Variants in NCOR1 observed in about 807,000 individuals in gnomAD.
The protein encoded by NCOR1 is protein phosphatase 1, regulatory subunit 109.
NCOR1 carries 63 observed loss-of-function variants against 288.1 expected under a neutral mutation model. The observed-to-expected ratio is 0.22, with a 90% CI of 0.18 to 0.27. The LOEUF is 0.27. Ranked by LOEUF, NCOR1 falls within the 10% of genes least tolerant of loss-of-function variation. The pLI is 1.00. For synonymous variants in NCOR1, 1,007 were observed against 1,065.9 expected, an observed-to-expected ratio of 0.94 and a Z score of 1.08; for missense variants, 2,397 against 3,019.2, an observed-to-expected ratio of 0.79 and a Z score of 4.83.
Position 16,032,471 on chromosome 17 carries a change from A to G in NCOR1, c.7148T>C (p.Phe2383Ser). The change falls in exon 46 of 46, where the codon TTT becomes TCT. Residue 2383 changes from phenylalanine to serine, a missense_variant. Coordinates refer to ENST00000268712, the MANE Select transcript of NCOR1 (RefSeq NM_006311.4). Reference sequence around the variant, plus strand: ...CCGCATAGTCAGAGGGTTATAAGGAAACTGAGTTGAGCCTGACAAAAGAAA... The same window carrying G: ...CCGCATAGTCAGAGGGTTATAAGGAGACTGAGTTGAGCCTGACAAAAGAAA... Reference protein sequence around the residue: ...DRPSSTGSTQFPYNPLTMRML... With the variant: ...DRPSSTGSTQSPYNPLTMRML... 1 of 1,583,498 alleles carries G rather than the reference A, an allele frequency of 6.3e-7. No individual in the cohort carries two copies. The highest frequency in any genetic ancestry group is 2.3e-5 in the East Asian group (1 of 43,406).
At chr17:16,150,621 T>C (rs1186527491) in intron 8 of NCOR1, among the ~76,000 whole-genome samples, 1 of 151,152 alleles carries the variant, frequency 6.6e-6, no homozygotes, top group Admixed American at 6.6e-5. Context: ...GTAGATGACA[T>C]GAAATAAATC....
chr17:16,062,952 G>A (rs1013151791), intron 35 of NCOR1, among the ~76,000 whole-genome samples: 11 of 152,228 alleles, frequency 7.2e-5, no homozygotes, highest in Non-Finnish European at 1.6e-4. Flanking sequence ...TTCACGCAGA[G>A]GATTCTGAAC....
chr17:16,065,648 A>C lies in NCOR1; in HGVS notation c.4788T>G (p.Gly1596=). The C allele has an allele frequency of 1.2e-6, 2 of 1,614,216 alleles. No individual in the cohort carries two copies. Among genetic ancestry groups the C allele is most frequent in the Non-Finnish European group, 1.7e-6 (2 of 1,180,046 alleles). ...LFQRQLSPTP[G]YPSQYQLYAM... ...CGTAAAGCTGATACTGACTTGGGTA[A>C]CCTGGAGTTGGTGAAAGCTGTCTCT... The change falls in exon 33 of 46, where the codon GGT becomes GGG. Residue 1596 remains glycine, a synonymous_variant. Coordinates refer to ENST00000268712, the MANE Select transcript of NCOR1 (RefSeq NM_006311.4).
Position 16,113,834 on chromosome 17 carries a change from AG to A in NCOR1, c.2055+4053del, listed in dbSNP as rs563881373. On this transcript the variant is annotated intron_variant, in intron 18 of 45. Transcript: ENST00000268712. ...CTTGAACCTGGGAGGCGGAGGTTGC[AG>A]TAAGCCAAGATCATGCCACTGCACT... Among the ~76,000 whole-genome samples the A allele has an allele frequency of 3.5e-3, 531 of 152,302 alleles. 1 individual carries two copies. The highest frequency in any genetic ancestry group is 0.01 in the Middle Eastern group (3 of 294).
At chr17:16,179,654 T>C (rs1462712336) in intron 3 of NCOR1, among the ~76,000 whole-genome samples, 1 of 152,204 alleles carries the variant, frequency 6.6e-6, no homozygotes, top group Non-Finnish European at 1.5e-5. Context: ...TAAGTTGATA[T>C]CTAAGTCAAG....
At chr17:16,163,628 T>C (rs946506014) in intron 5 of NCOR1, among the ~76,000 whole-genome samples, 5 of 152,192 alleles carry the variant, frequency 3.3e-5, no homozygotes, top group South Asian at 4.1e-4. Context: ...AATTTAAACA[T>C]AGATTTACCA....
rs1294159774 is a variant in NCOR1, at chr17:16,127,285, GTATATA to G, written c.1510-1085_1510-1080del. Among the ~76,000 whole-genome samples, 847 of 129,480 alleles carry G rather than the reference GTATATA, an allele frequency of 6.5e-3. 256 individuals are homozygous for G. The highest frequency in any genetic ancestry group is 0.025 in the African/African-American group (798 of 32,306). 84.9% of individuals were successfully genotyped at this position (129,480 alleles called of 152,430 possible). ...TGTATATATGTATGTATATATACGT[GTATATA>G]TGTATGTATGTATATATACATGTAT... On this transcript the variant is annotated intron_variant, in intron 14 of 45. Coordinates refer to ENST00000268712, the MANE Select transcript of NCOR1 (RefSeq NM_006311.4).
intron 2 of NCOR1, among the ~76,000 whole-genome samples, chr17:16,193,557 A>AG (rs2089071405): frequency 6.6e-6 from 1 of 152,158 alleles, no homozygotes; most frequent in Non-Finnish European, 1.5e-5. Context: ...AACCAGCAGC[A>AG]ACAATAATCC....
At chr17:16,155,655 C>T (rs1265151204) in intron 6 of NCOR1, among the ~76,000 whole-genome samples, 8 of 152,082 alleles carry the variant, frequency 5.3e-5, no homozygotes, top group Non-Finnish European at 1.2e-4. Context: ...CTCCCACTAC[C>T]TTTCTAAATA....
intron 1 of NCOR1, among the ~76,000 whole-genome samples, chr17:16,209,371 G>A (rs2091900485): frequency 6.6e-6 from 1 of 151,962 alleles, no homozygotes; most frequent in Non-Finnish European, 1.5e-5. Flanking sequence ...AATATGCCAT[G>A]CTTCAGTATT....
chr17:16,173,593 T>G (rs964436789), intron 3 of NCOR1, among the ~76,000 whole-genome samples: 1 of 152,030 alleles, frequency 6.6e-6, no homozygotes, highest in African/African-American at 2.4e-5. Context: ...TCAGTTGTAT[T>G]CTATACACTA....
intron 1 of NCOR1, among the ~76,000 whole-genome samples, chr17:16,201,246 G>A (rs1454803445): frequency 6.6e-6 from 1 of 152,086 alleles, no homozygotes; most frequent in African/African-American, 2.4e-5. Flanking sequence ...GTATGATATT[G>A]AAAGAAAAAT....
At chr17:16,106,133 G>T (rs921245670) in intron 19 of NCOR1, among the ~76,000 whole-genome samples, 5 of 151,964 alleles carry the variant, frequency 3.3e-5, no homozygotes, top group African/African-American at 1.2e-4. Flanking sequence ...AAACAAAAAC[G>T]GCAGCCATTA....
Position 16,188,957 on chromosome 17 carries a change from G to A in NCOR1, c.109-2270C>T, listed in dbSNP as rs150094740. On this transcript the variant is annotated intron_variant, in intron 2 of 45. Transcript: ENST00000268712. The stretch of plus-strand genomic sequence containing the variant: ...GTAGAATCGCTTGAACCTGGGAGGC[G>A]GAGTTTGCAGTGAGCCTAGACGAAG... Among the ~76,000 whole-genome samples the A allele has an allele frequency of 2.2e-4, 34 of 152,020 alleles. 1 individual carries two copies. Among genetic ancestry groups the A allele is most frequent in the African/African-American group, 7.0e-4 (29 of 41,474 alleles).
At chr17:16,097,695 G>A (rs1403422966) in intron 21 of NCOR1, among the ~76,000 whole-genome samples, 2 of 152,166 alleles carry the variant, frequency 1.3e-5, no homozygotes, top group Non-Finnish European at 2.9e-5. Context: ...TAATGAACTA[G>A]TAATTATAAG....
In NCOR1 at chr17:16,032,201, T is replaced by C; in HGVS notation, c.*95A>G. On this transcript the variant is annotated 3_prime_UTR_variant, in exon 46 of 46. Coordinates refer to ENST00000268712, the MANE Select transcript of NCOR1 (RefSeq NM_006311.4). ...CTCCTGAAAAGTCTCAGGGAATAAG[T>C]CACAGGAGGGCAGGTTTTTGACCTG... The C allele has an allele frequency of 7.9e-7, 1 of 1,268,344 alleles. No homozygotes were observed. Among genetic ancestry groups the C allele is most frequent in the Non-Finnish European group, 1.1e-6 (1 of 942,110 alleles). 78.6% of individuals were successfully genotyped at this position (1,268,344 alleles called of 1,614,324 possible).
chr17:16,061,583 T>A lies in NCOR1; in HGVS notation c.5699A>T (p.Tyr1900Phe). 1 of 1,614,200 alleles carries A rather than the reference T, an allele frequency of 6.2e-7. No individual in the cohort carries two copies. Among genetic ancestry groups the A allele is most frequent in the African/African-American group, 1.3e-5 (1 of 75,046 alleles). Residue 1900 changes from tyrosine to phenylalanine, a missense_variant, in exon 37 of 46, where the codon TAT (tyrosine) becomes TTT (phenylalanine). Tyr to Phe is a conservative substitution (Grantham distance 22, BLOSUM62 3). This residue lies in a region of NCOR1 where 1,872 missense variants were observed against 2,187.8 expected (regional missense o/e 0.86). Transcript: ENST00000268712. ...GKPQPHSSVV[Y>F]SEAGKDKGPP... ...CCCTTTATCTTTCCCAGCCTCAGAA[T>A]AAACTACTGAAGAATGAGGCTGGGG...
chr17:16,179,891 G>A (rs924382404), intron 3 of NCOR1, among the ~76,000 whole-genome samples: 1 of 142,490 alleles, frequency 7.0e-6, no homozygotes, highest in Non-Finnish European at 1.5e-5. Flanking sequence ...CCGGGAGGCA[G>A]AGCTTGCAGT....
At position 16,071,536 on chromosome 17, in the gene NCOR1, G is replaced by T; in HGVS notation, c.4025C>A (p.Thr1342Asn). Reference sequence around the variant, plus strand: ...GGAACGCCCCATTTCTTTGATGGTGGTGATGCCATCATATGGTTTTCCTTT... The same window carrying T: ...GGAACGCCCCATTTCTTTGATGGTGTTGATGCCATCATATGGTTTTCCTTT... ...ITKGKPYDGI[T>N]TIKEMGRSIH... is the part of the protein sequence containing the mutation. Residue 1342 changes from threonine to asparagine, a missense_variant, in exon 30 of 46, where the codon ACC (threonine) becomes AAC (asparagine). Transcript: ENST00000268712. 3 of 1,614,078 alleles carry T rather than the reference G, an allele frequency of 1.9e-6. No individual in the cohort carries two copies. Among genetic ancestry groups the T allele is most frequent in the Non-Finnish European group, 1.7e-6 (2 of 1,180,024 alleles).
Sources: gnomAD v4.1 joint callset for allele counts (sites outside exome capture counted in the v4.1 genomes callset) on GRCh38, gnomAD v4.1.1 for gene constraint, gnomAD v4.1.1 regional missense constraint, MANE v1.5 for transcripts, NCBI Gene and HGNC (gene_info 2026-07-23, HGNC 2026-07-21) for gene names.